The following ERC1 variants were observed in gnomAD, a reference collection of about 807,000 sequenced individuals.
ERC1 encodes the protein RAB6 interacting protein 2.
A neutral mutation model predicts 132.0 loss-of-function variants in ERC1; 56 were observed. That is an observed-to-expected ratio of 0.42 (90% CI 0.34 to 0.53). The LOEUF is 0.53. Ranked by LOEUF, ERC1 falls within the 20% of genes least tolerant of loss-of-function variation. The probability of loss-of-function intolerance (pLI) is 0.03; values close to 1 mark genes in which losing one functional copy is unlikely to be tolerated. For synonymous variants in ERC1, 478 were observed against 476.1 expected (o/e 1.00, Z -0.05); for missense variants, 1,202 against 1,349.9 (o/e 0.89, Z 1.72).
intron 8 of ERC1, among the ~76,000 whole-genome samples, chr12:1,174,855 C>T (rs905518669): frequency 6.6e-6 from 1 of 152,112 alleles, no homozygotes; most frequent in Non-Finnish European, 1.5e-5. Context: ...ACTGGAATGA[C>T]CTGCACAGCT....
At chr12:1,382,193 A>C (rs1329162567) in intron 16 of ERC1, among the ~76,000 whole-genome samples, 1 of 152,264 alleles carries the variant, frequency 6.6e-6, no homozygotes, top group East Asian at 1.9e-4. Context: ...ACCATCAACG[A>C]ATATCAAACA....
At chr12:1,151,997 G>A (rs961175552) in intron 8 of ERC1, 6 of 152,204 alleles carry the variant, frequency 3.9e-5, no homozygotes, top group Admixed American at 1.3e-4. Flanking sequence ...TCAGGAGTTC[G>A]AGACCAGCGT....
chr12:1,297,538 C>CA (rs34023344), intron 15 of ERC1, among the ~76,000 whole-genome samples: 4,879 of 80,550 alleles, frequency 0.061, 226 homozygotes, highest in African/African-American at 0.15. Context: ...CCTGTTTCTA[C>CA]AAAAAAAAAA....
intron 14 of ERC1, among the ~76,000 whole-genome samples, chr12:1,279,216 C>T (rs2078493143): frequency 6.6e-6 from 1 of 152,068 alleles, no homozygotes; most frequent in African/African-American, 2.4e-5. Flanking sequence ...CTGTAACTTC[C>T]TCTATAATTT....
At chr12:1,044,411 G>T (rs1970760259) in intron 2 of ERC1, among the ~76,000 whole-genome samples, 2 of 152,164 alleles carry the variant, frequency 1.3e-5, no homozygotes, top group African/African-American at 4.8e-5. Context: ...CATGACTAAT[G>T]AAGTTCTTTT....
At chr12:1,375,927 G>A (rs879271401) in intron 16 of ERC1, among the ~76,000 whole-genome samples, 9 of 151,830 alleles carry the variant, frequency 5.9e-5, no homozygotes, top group Non-Finnish European at 1.2e-4. Flanking sequence ...TAGTAGAGAC[G>A]GGGTTTCACC....
chr12:1,480,797 G>A (rs1364482348), intron 18 of ERC1: 1 of 702,214 alleles, frequency 1.4e-6, no homozygotes, highest in Non-Finnish European at 2.6e-6. Flanking sequence ...TACCTTTTAG[G>A]GGAAGTTTCA....
intron 18 of ERC1, among the ~76,000 whole-genome samples, chr12:1,469,554 CTGTG>C (rs1592245244): frequency 6.6e-6 from 1 of 152,236 alleles, no homozygotes; most frequent in African/African-American, 2.4e-5. Context: ...TGGGAATAAA[CTGTG>C]TGAAGCCATG....
rs760419095 is a variant in ERC1, at chr12:1,490,237, T to C, written c.*7T>C. The C allele has an allele frequency of 4.3e-6, 7 of 1,612,986 alleles. No individual in the cohort carries two copies. The highest frequency in any genetic ancestry group is 4.2e-6 in the Non-Finnish European group (5 of 1,179,378). On this transcript the variant is annotated 3_prime_UTR_variant, in exon 19 of 19. Coordinates refer to ENST00000360905, the MANE Select transcript of ERC1 (RefSeq NM_178040.4). ...CCTGGAAGAGTCCTCTTGACCCTGC[T>C]TTATGGGGAAGCCTGAGGTAGTCAA... is the stretch of plus-strand genomic sequence containing the variant.
At chr12:1,411,484 G>A (rs571486669) in intron 17 of ERC1, among the ~76,000 whole-genome samples, 4 of 152,050 alleles carry the variant, frequency 2.6e-5, no homozygotes, top group South Asian at 2.1e-4. Context: ...GGGGCCATGC[G>A]CTGTGAGGTG....
At chr12:1,042,486 C>G (rs1056900313) in intron 2 of ERC1, among the ~76,000 whole-genome samples, 3 of 151,736 alleles carry the variant, frequency 2.0e-5, no homozygotes, top group African/African-American at 4.8e-5. Flanking sequence ...GCTGGGATTA[C>G]AGGCACCTGC....
intron 13 of ERC1, among the ~76,000 whole-genome samples, chr12:1,241,847 C>CTTTTTTTTTTTTTTTTTTTTTTT (rs57016547): frequency 7.5e-5 from 6 of 80,490 alleles, no homozygotes; most frequent in East Asian, 7.5e-4. Context: ...TCTTCTTCTT[C>CTTTTTTTTTTTTTTTTTTTTTTT]TTTTTTTTTT....
intron 17 of ERC1, among the ~76,000 whole-genome samples, chr12:1,423,747 T>G (rs554171597): frequency 6.6e-6 from 1 of 152,364 alleles, no homozygotes; most frequent in South Asian, 2.1e-4. Flanking sequence ...CATTGTATTT[T>G]GAAGCTCTGG....
At chr12:1,440,408 G>C (rs141772662) in intron 17 of ERC1, among the ~76,000 whole-genome samples, 7 of 149,324 alleles carry the variant, frequency 4.7e-5, no homozygotes, top group East Asian at 2.0e-4. Flanking sequence ...GGGTTTCACC[G>C]TGTTAGCCAG....
chr12:1,357,325 G>A (rs937556129), intron 15 of ERC1, among the ~76,000 whole-genome samples: 5 of 152,194 alleles, frequency 3.3e-5, no homozygotes, highest in African/African-American at 7.2e-5. Context: ...AAAGAAAGGC[G>A]AGCAAGCCCC....
intron 15 of ERC1, among the ~76,000 whole-genome samples, chr12:1,366,167 G>A (rs927884060): frequency 6.6e-6 from 1 of 152,052 alleles, no homozygotes; most frequent in African/African-American, 2.4e-5. Flanking sequence ...TTACTGAACT[G>A]TTCATTTATA....
intron 15 of ERC1, among the ~76,000 whole-genome samples, chr12:1,331,247 T>C (rs2082838921): frequency 6.6e-6 from 1 of 152,250 alleles, no homozygotes; most frequent in African/African-American, 2.4e-5. Context: ...TATATATAAA[T>C]GGAGTTATCA....
intron 2 of ERC1, among the ~76,000 whole-genome samples, chr12:1,057,920 C>G (rs1429055799): frequency 2.0e-5 from 3 of 152,052 alleles, no homozygotes; most frequent in Non-Finnish European, 4.4e-5. Flanking sequence ...TGATTTTTCT[C>G]AGGTGTGTAG....
chr12:1,307,381 G>T (rs968958186), intron 15 of ERC1, among the ~76,000 whole-genome samples: 2 of 152,126 alleles, frequency 1.3e-5, no homozygotes, highest in East Asian at 1.9e-4. Context: ...GTTAGGTGAG[G>T]TGTTTGTTGT....
Sources: allele counts gnomAD v4.1 joint callset (sites outside exome capture counted in the v4.1 genomes callset), GRCh38; gene constraint gnomAD v4.1.1; transcripts MANE v1.5; gene names NCBI Gene and HGNC (gene_info 2026-07-23, HGNC 2026-07-21).